CLSTN2: variants seen among roughly 807,000 people sequenced by gnomAD.
CLSTN2 encodes the protein calsyntenin-2.
A neutral mutation model predicts 101.2 loss-of-function variants in CLSTN2; 48 were observed. That is an observed-to-expected ratio of 0.47 (90% CI 0.38 to 0.60). CLSTN2 has a LOEUF of 0.60. Among genes scored for constraint, CLSTN2 ranks in the 20% least tolerant of loss-of-function variants. CLSTN2 has a pLI of 0.00. For synonymous variants in CLSTN2, 481 were observed against 463.6 expected (o/e 1.04, Z -0.48); for missense variants, 1,160 against 1,238.2 (o/e 0.94, Z 0.95).
intron 8 of CLSTN2, among the ~76,000 whole-genome samples, chr3:140,526,081 A>G (rs181516114): frequency 3.1e-3 from 473 of 152,302 alleles, no homozygotes; most frequent in Non-Finnish European, 5.0e-3. Context: ...AGTCAGAGCA[A>G]TTAGGCAAGA....
intron 1 of CLSTN2, among the ~76,000 whole-genome samples, chr3:139,961,371 C>T (rs1456496983): frequency 6.6e-6 from 1 of 152,020 alleles, no homozygotes; most frequent in Non-Finnish European, 1.5e-5. Flanking sequence ...TAGCTTTTTC[C>T]TAGGTATTGT....
rs151086890 is a variant in CLSTN2, at chr3:140,426,946, G to A, written c.787+5672G>A. ...TCCTAGCACTTTGGGAGGCCGAGGCGGGTGGATCACTTGAGGCCAGGAGTT... is the reference window on the plus strand; with the variant it reads ...TCCTAGCACTTTGGGAGGCCGAGGCAGGTGGATCACTTGAGGCCAGGAGTT... On this transcript the variant is annotated intron_variant, in intron 5 of 16. Transcript: ENST00000458420. Among the ~76,000 whole-genome samples, 462 of 151,996 alleles carry A rather than the reference G, an allele frequency of 3.0e-3. 1 individual carries two copies. Among genetic ancestry groups the A allele is most frequent in the African/African-American group, 0.011 (435 of 41,408 alleles).
chr3:140,448,490 C>T, intron 5 of CLSTN2, 29 bp from the exon 6 acceptor site: 1 of 1,579,714 alleles, frequency 6.3e-7, no homozygotes, highest in South Asian at 1.1e-5. Context: ...GCACCTGATT[C>T]ACTTTTCATC....
intron 2 of CLSTN2, among the ~76,000 whole-genome samples, chr3:140,356,048 G>A (rs1446512631): frequency 2.0e-5 from 3 of 152,310 alleles, no homozygotes; most frequent in Non-Finnish European, 4.4e-5. Context: ...GGTCCTTCAT[G>A]CTGGGGTAGG....
chr3:140,124,610 C>A (rs1358425989), intron 1 of CLSTN2, among the ~76,000 whole-genome samples: 1 of 152,040 alleles, frequency 6.6e-6, no homozygotes, highest in African/African-American at 2.4e-5. Context: ...GATAGCAGTG[C>A]CAATAACCGG....
At chr3:140,540,539 A>C (rs1369165244) in intron 9 of CLSTN2, among the ~76,000 whole-genome samples, 2 of 152,230 alleles carry the variant, frequency 1.3e-5, no homozygotes, top group Non-Finnish European at 2.9e-5. Context: ...CGTTATTTGC[A>C]TTGCTTAAAA....
At chr3:139,961,629 G>A (rs946905256) in intron 1 of CLSTN2, among the ~76,000 whole-genome samples, 35 of 152,296 alleles carry the variant, frequency 2.3e-4, no homozygotes, top group African/African-American at 7.9e-4. Context: ...TTTTCACAGG[G>A]CAAGGATTGA....
At chr3:140,275,555 A>T (rs774545834) in intron 2 of CLSTN2, among the ~76,000 whole-genome samples, 26 of 152,164 alleles carry the variant, frequency 1.7e-4, no homozygotes, top group Non-Finnish European at 3.1e-4. Context: ...TACAGGCATG[A>T]GTCACCCACT....
chr3:140,275,425 C>T (rs752294053), intron 2 of CLSTN2, among the ~76,000 whole-genome samples: 2 of 152,222 alleles, frequency 1.3e-5, no homozygotes, highest in South Asian at 2.1e-4. Flanking sequence ...AAACTACAGG[C>T]ACCCAGCTTT....
intron 5 of CLSTN2, among the ~76,000 whole-genome samples, chr3:140,423,438 G>A (rs988746943): frequency 1.6e-4 from 24 of 152,074 alleles, no homozygotes; most frequent in African/African-American, 5.8e-4. Flanking sequence ...GCAAAACTTT[G>A]GTTAAAAAAA....
chr3:140,168,421 A>G (rs1030856428), intron 1 of CLSTN2, among the ~76,000 whole-genome samples: 1 of 152,136 alleles, frequency 6.6e-6, no homozygotes, highest in African/African-American at 2.4e-5. Context: ...CAAGACCTTT[A>G]TGAAATGTTT....
chr3:140,373,106 G>T (rs1169782031), intron 2 of CLSTN2, among the ~76,000 whole-genome samples: 2 of 152,124 alleles, frequency 1.3e-5, no homozygotes, highest in Non-Finnish European at 2.9e-5. Context: ...AAGCTAAAAA[G>T]GCTCTGAAAA....
intron 1 of CLSTN2, among the ~76,000 whole-genome samples, chr3:140,008,095 T>C (rs1452854100): frequency 6.6e-6 from 1 of 152,152 alleles, no homozygotes; most frequent in African/African-American, 2.4e-5. Context: ...GCTGCAGGAG[T>C]TCATATTCCA....
intron 1 of CLSTN2, among the ~76,000 whole-genome samples, chr3:140,069,130 C>G (rs893878213): frequency 1.5e-4 from 23 of 152,158 alleles, no homozygotes; most frequent in African/African-American, 5.6e-4. Flanking sequence ...AAATTTAAGT[C>G]TTGCCTGAGA....
chr3:140,230,799 C>T (rs1054607786), intron 2 of CLSTN2, among the ~76,000 whole-genome samples: 12 of 152,184 alleles, frequency 7.9e-5, no homozygotes, highest in African/African-American at 2.7e-4. Context: ...CACCTTTGGA[C>T]ATCATATGAA....
At chr3:140,281,835 G>A (rs4583599) in intron 2 of CLSTN2, among the ~76,000 whole-genome samples, 138,648 of 152,052 alleles carry the variant, frequency 0.91, 63,745 homozygotes, top group Non-Finnish European at 0.97. Flanking sequence ...GTGCTGTCTG[G>A]CTGGCTTGAC....
chr3:140,105,168 A>G (rs981453391), intron 1 of CLSTN2, among the ~76,000 whole-genome samples: 1 of 152,226 alleles, frequency 6.6e-6, no homozygotes. Flanking sequence ...CTTTAAATTC[A>G]TCCTCTTATG....
intron 2 of CLSTN2, among the ~76,000 whole-genome samples, chr3:140,278,420 G>A (rs1313602415): frequency 6.6e-6 from 1 of 152,118 alleles, no homozygotes; most frequent in African/African-American, 2.4e-5. Flanking sequence ...TGCCTGTGAA[G>A]CACTTTCTCT....
chr3:140,466,700 G>A lies in CLSTN2; in HGVS notation c.1313G>A (p.Arg438His), dbSNP rs771964535. 63 of 1,613,812 alleles carry A rather than the reference G, an allele frequency of 3.9e-5. 1 individual carries two copies. In the East Asian group the frequency reaches 1.2e-3, roughly 31 times the overall value. Reference protein sequence around the residue: ...RKDFDQADTFRPAEFHWKLDQ... With the variant: ...RKDFDQADTFHPAEFHWKLDQ... ...GACTTCGACCAGGCTGACACCTTTC[G>A]CCCCGCGGAGTTCCACTGGAAGCTG... is the stretch of plus-strand genomic sequence containing the variant. Residue 438 changes from arginine to histidine, a missense_variant, in exon 8 of 17, where the codon CGC (arginine) becomes CAC (histidine). Physicochemically the swap from Arg to His is conservative, Grantham distance 29 (BLOSUM62 0). Transcript: ENST00000458420.
Sources: gnomAD v4.1 joint callset for allele counts (sites outside exome capture counted in the v4.1 genomes callset) on GRCh38, gnomAD v4.1.1 for gene constraint, MANE v1.5 for transcripts, NCBI Gene and HGNC (gene_info 2026-07-23, HGNC 2026-07-21) for gene names.